NLGN1: variants seen among roughly 807,000 people sequenced by gnomAD.
NLGN1 encodes neuroligin 1.
In NLGN1, 12 loss-of-function variants were observed where a neutral mutation model predicts 65.5. The observed-to-expected ratio is 0.18, with a 90% CI of 0.12 to 0.30. The LOEUF is 0.30. Among genes scored for constraint, NLGN1 ranks in the 10% least tolerant of loss-of-function variants. The pLI is 1.00. For synonymous variants in NLGN1, 350 were observed against 359.5 expected (o/e 0.97, Z 0.30); for missense variants, 750 against 1,007.1 (o/e 0.74, Z 3.46).
chr3:173,839,690 G>A (rs954178841), intron 4 of NLGN1, among the ~76,000 whole-genome samples: 2 of 152,082 alleles, frequency 1.3e-5, no homozygotes, highest in South Asian at 2.1e-4. Flanking sequence ...CAAAGTGCTG[G>A]GATTACAGGC....
intron 3 of NLGN1, among the ~76,000 whole-genome samples, chr3:173,679,793 G>T (rs1214852608): frequency 2.0e-5 from 3 of 152,040 alleles, no homozygotes; most frequent in African/African-American, 7.2e-5. Context: ...TCTGATTTTG[G>T]TAATTGTTAA....
chr3:173,427,895 T>C (rs1332305095), intron 1 of NLGN1, among the ~76,000 whole-genome samples: 1 of 151,492 alleles, frequency 6.6e-6, no homozygotes, highest in African/African-American at 2.4e-5. Context: ...TGTTCATTGC[T>C]TAAAGAGGGG....
intron 4 of NLGN1, among the ~76,000 whole-genome samples, chr3:174,029,903 C>T (rs1242744046): frequency 1.3e-5 from 2 of 152,130 alleles, no homozygotes; most frequent in African/African-American, 4.8e-5. Context: ...ATTGTTAGGC[C>T]TTTCCAGCCA....
chr3:173,532,611 C>T (rs1450051416), intron 2 of NLGN1, among the ~76,000 whole-genome samples: 6 of 152,162 alleles, frequency 3.9e-5, no homozygotes, highest in African/African-American at 7.2e-5. Flanking sequence ...AAGCAAAGTC[C>T]GATAGAGTAG....
At chr3:173,583,768 G>A (rs183944486) in intron 2 of NLGN1, among the ~76,000 whole-genome samples, 2 of 152,288 alleles carry the variant, frequency 1.3e-5, no homozygotes, top group Admixed American at 1.3e-4. Context: ...TGAGGCCTAT[G>A]TAATGACTCT....
intron 4 of NLGN1, among the ~76,000 whole-genome samples, chr3:173,895,226 A>G (rs1736131513): frequency 6.6e-6 from 1 of 151,986 alleles, no homozygotes; most frequent in Non-Finnish European, 1.5e-5. Flanking sequence ...CCTTTTAAGG[A>G]CTGATATGAT....
chr3:173,564,398 T>C (rs1743296374), intron 2 of NLGN1, among the ~76,000 whole-genome samples: 1 of 152,246 alleles, frequency 6.6e-6, no homozygotes, highest in African/African-American at 2.4e-5. Context: ...TTTAAGTAGA[T>C]CAGAGTTTGT....
intron 3 of NLGN1, among the ~76,000 whole-genome samples, chr3:173,646,906 G>A (rs1758358136): frequency 6.6e-6 from 1 of 151,826 alleles, no homozygotes; most frequent in African/African-American, 2.4e-5. Context: ...TGTCAAGATT[G>A]GATAAAAAAC....
At chr3:173,425,568 C>T (rs545765748) in intron 1 of NLGN1, among the ~76,000 whole-genome samples, 1 of 152,040 alleles carries the variant, frequency 6.6e-6, no homozygotes, top group South Asian at 2.1e-4. Flanking sequence ...ATATGGATAT[C>T]CAGTTTTACC....
intron 4 of NLGN1, among the ~76,000 whole-genome samples, chr3:173,982,369 C>A (rs1309418099): frequency 6.6e-6 from 1 of 151,852 alleles, no homozygotes; most frequent in African/African-American, 2.4e-5. Flanking sequence ...TACATATTTG[C>A]TTTTTCTTGA....
intron 4 of NLGN1, among the ~76,000 whole-genome samples, chr3:174,011,388 A>C (rs2152441666): frequency 6.6e-6 from 1 of 152,310 alleles, no homozygotes; most frequent in South Asian, 2.1e-4. Flanking sequence ...ATTTCACATT[A>C]GTGAATGTGG....
At chr3:173,449,158 G>T (rs890299987) in intron 2 of NLGN1, among the ~76,000 whole-genome samples, 1 of 151,894 alleles carries the variant, frequency 6.6e-6, no homozygotes, top group Non-Finnish European at 1.5e-5. Flanking sequence ...TGATGTTAGG[G>T]TGTCAATTTT....
At chr3:173,665,833 T>G (rs2149710295) in intron 3 of NLGN1, among the ~76,000 whole-genome samples, 1 of 152,316 alleles carries the variant, frequency 6.6e-6, no homozygotes, top group South Asian at 2.1e-4. Flanking sequence ...CTTGGTACAT[T>G]GTTTCCCTAA....
chr3:174,218,090 G>A (rs866423573), intron 4 of NLGN1, among the ~76,000 whole-genome samples: 10 of 151,950 alleles, frequency 6.6e-5, no homozygotes, highest in African/African-American at 2.2e-4. Flanking sequence ...AAAAATTAAC[G>A]CTTTAGACAA....
intron 3 of NLGN1, among the ~76,000 whole-genome samples, chr3:173,703,536 T>C (rs778033086): frequency 2.0e-5 from 3 of 152,216 alleles, no homozygotes; most frequent in Admixed American, 6.5e-5. Flanking sequence ...AATGCTGGAT[T>C]ACATAAGTAT....
chr3:173,976,161 TCTC>T (rs1717402451), intron 4 of NLGN1, among the ~76,000 whole-genome samples: 1 of 152,068 alleles, frequency 6.6e-6, no homozygotes, highest in African/African-American at 2.4e-5. Context: ...AATGTATTGC[TCTC>T]CTCCTTTCCT....
chr3:173,876,276 G>A (rs901142575), intron 4 of NLGN1, among the ~76,000 whole-genome samples: 27 of 152,040 alleles, frequency 1.8e-4, no homozygotes, highest in Admixed American at 2.6e-4. Flanking sequence ...TACAAAATGC[G>A]TTTTGCCTTA....
intron 4 of NLGN1, among the ~76,000 whole-genome samples, chr3:173,817,395 T>G (rs1236507195): frequency 6.6e-6 from 1 of 152,228 alleles, no homozygotes; most frequent in East Asian, 1.9e-4. Flanking sequence ...GTTGACATTC[T>G]GCTGTGGATA....
chr3:173,996,247 T>G (rs1002827256), intron 4 of NLGN1, among the ~76,000 whole-genome samples: 1 of 152,162 alleles, frequency 6.6e-6, no homozygotes, highest in African/African-American at 2.4e-5. Context: ...ATGTTTAAAA[T>G]TACGTCTATT....
Sources: gnomAD v4.1 joint callset for allele counts (sites outside exome capture counted in the v4.1 genomes callset) on GRCh38, gnomAD v4.1.1 for gene constraint, MANE v1.5 for transcripts, NCBI Gene and HGNC (gene_info 2026-07-23, HGNC 2026-07-21) for gene names.